USP6NL: variants seen among roughly 807,000 people sequenced by gnomAD.
The protein encoded by USP6NL is USP6 N-terminal like, also known as USP6 N-terminal-like protein.
Under a neutral mutation model 61.9 loss-of-function variants are expected in USP6NL, and 26 were observed. The observed-to-expected ratio is 0.42, with a 90% CI of 0.31 to 0.58. The LOEUF is 0.58. USP6NL is among the 20% of genes least tolerant of loss of function. The pLI, the probability that USP6NL is intolerant of heterozygous loss-of-function variation, is 0.16. For synonymous variants in USP6NL, 432 were observed against 390.1 expected (o/e 1.11, Z -1.27); for missense variants, 1,114 against 1,034.3 (o/e 1.08, Z -1.06).
At position 11,462,787 on chromosome 10, in the gene USP6NL, G is replaced by A. The variant is rs769286342; in HGVS notation, c.2141C>T (p.Ser714Leu). 3.7e-6 allele frequency: 6 copies of A among 1,613,846 alleles called. No homozygotes were observed. In the East Asian group the frequency reaches 1.3e-4, roughly 36 times the overall value. ...CAATTTTCCATTCTTTGGTGACCCT[G>A]AATTGCCCGAATATCCCCCAGCACC... ...DTGAGGYSGN[S>L]GSPKNGKLII... The change falls in exon 15 of 15, where the codon TCA becomes TTA. Residue 714 changes from serine to leucine, a missense_variant. Transcript: ENST00000609104.
chr10:11,463,176 A>G lies in USP6NL; in HGVS notation c.1752T>C (p.Pro584=), dbSNP rs3740204. 550,864 of 1,613,424 alleles carry G rather than the reference A, an allele frequency of 0.34. 101,728 individuals carry two copies. Among genetic ancestry groups the G allele is most frequent in the East Asian group, 0.73 (32,926 of 44,850 alleles). ...SQSPRHALYP[P]SPRKHAEPSS... ...TTGGCTCAGCGTGCTTTCTCGGGCT[A>G]GGAGGGTAAAGGGCATGCCGGGGGC... Residue 584 remains proline, a synonymous_variant, in exon 15 of 15, where the codon CCT becomes CCC. Coordinates refer to ENST00000609104, the MANE Select transcript of USP6NL (RefSeq NM_014688.5). This position sits in a 1 kb window ranked among gnomAD's most constrained non-coding sequence, Gnocchi z 6.3.
rs1833692965 is a variant in USP6NL, at chr10:11,491,058, A to C, written c.495-178T>G. Among the ~76,000 whole-genome samples the C allele has an allele frequency of 6.6e-6, 1 of 152,228 alleles. No homozygotes were observed. The highest frequency in any genetic ancestry group is 1.5e-5 in the Non-Finnish European group (1 of 68,032). On this transcript the variant is annotated intron_variant, in intron 8 of 14. Coordinates refer to ENST00000609104, the MANE Select transcript of USP6NL (RefSeq NM_014688.5). This position sits in a 1 kb window ranked among gnomAD's most constrained non-coding sequence, Gnocchi z 4.7. ...ACACTCTAAAAAGTCTAAATTCAAG[A>C]CTAGATAATATTCATTCTGAAAGGA...
chr10:11,469,722 C>A (rs571577355), intron 14 of USP6NL, among the ~76,000 whole-genome samples: 1 of 152,200 alleles, frequency 6.6e-6, no homozygotes, highest in African/African-American at 2.4e-5. Flanking sequence ...CTGGAGGCCC[C>A]GCACAGTGGG....
intron 2 of USP6NL, chr10:11,573,688 A>G (rs1837441029): frequency 1.8e-5 from 7 of 398,820 alleles, no homozygotes; most frequent in East Asian, 7.1e-5. Flanking sequence ...TTGCTAGTTA[A>G]CAAGCCAAAG....
At position 11,476,947 on chromosome 10, in the gene USP6NL, C is replaced by T. The variant is rs750921810; in HGVS notation, c.1078+4823G>A. On this transcript the variant is annotated intron_variant, in intron 14 of 14. Transcript: ENST00000609104. This position sits in a 1 kb window ranked among gnomAD's most constrained non-coding sequence, Gnocchi z 4.3. The stretch of plus-strand genomic sequence containing the variant: ...AGTGCAGTGGTGCGATCTTGACTCA[C>T]TGCAACCTCCGCCTCCCAGGTTCAA... Among the ~76,000 whole-genome samples, 2 of 152,220 alleles carry T rather than the reference C, an allele frequency of 1.3e-5. No homozygotes were observed. Among genetic ancestry groups the T allele is most frequent in the Non-Finnish European group, 2.9e-5 (2 of 68,036 alleles).
chr10:11,585,334 T>G lies in USP6NL; in HGVS notation c.4+12297A>C, dbSNP rs1837925347. Reference sequence around the variant, plus strand: ...AAAGAATTACAGTATGATCCAGCAATTCCACTTCTTGGTACAGACCCAGAA... The same window carrying G: ...AAAGAATTACAGTATGATCCAGCAAGTCCACTTCTTGGTACAGACCCAGAA... On this transcript the variant is annotated intron_variant, in intron 2 of 14. Coordinates refer to ENST00000609104, the MANE Select transcript of USP6NL (RefSeq NM_014688.5). This position sits in a 1 kb window ranked among gnomAD's most constrained non-coding sequence, Gnocchi z 4.5. 6.6e-6 allele frequency among the ~76,000 whole-genome samples: 1 copy of G among 152,140 alleles called. No homozygotes were observed. Among genetic ancestry groups the G allele is most frequent in the African/African-American group, 2.4e-5 (1 of 41,424 alleles).
In USP6NL at chr10:11,537,072, T is replaced by C. The variant is rs1835861153; in HGVS notation, c.5-9505A>G. Reference sequence around the variant, plus strand: ...TTCTCTTCAGAAGAGCCACACAAGTTCCATACATATCTTCATATTCCTCCA... The same window carrying C: ...TTCTCTTCAGAAGAGCCACACAAGTCCCATACATATCTTCATATTCCTCCA... On this transcript the variant is annotated intron_variant, in intron 2 of 14. Transcript: ENST00000609104. This position sits in a 1 kb window ranked among gnomAD's most constrained non-coding sequence, Gnocchi z 5.1. Among the ~76,000 whole-genome samples the C allele has an allele frequency of 6.6e-6, 1 of 152,126 alleles. No homozygotes were observed. Among genetic ancestry groups the C allele is most frequent in the African/African-American group, 2.4e-5 (1 of 41,444 alleles).
Position 11,555,451 on chromosome 10 carries a change from T to TATAG in USP6NL, c.5-27885_5-27884insCTAT, listed in dbSNP as rs1427219382. Among the ~76,000 whole-genome samples, 20 of 61,000 alleles carry TATAG rather than the reference T, an allele frequency of 3.3e-4. No homozygotes were observed. The East Asian group carries it at 4.8e-3, about 15-fold the overall frequency. The allele number at this position is 61,000 out of a possible 152,430, so 40.0% of individuals were successfully genotyped here. Reference sequence around the variant, plus strand: ...AAAAAAAAATATATATATATATATATAGAGAGAGAGAGAGAGAGAAAGAGA... The same window carrying TATAG: ...AAAAAAAAATATATATATATATATATATAGAGAGAGAGAGAGAGAGAGAAAGAGA... On this transcript the variant is annotated intron_variant, in intron 2 of 14. Transcript: ENST00000609104.
Position 11,474,676 on chromosome 10 carries a change from A to T in USP6NL, c.1078+7094T>A, listed in dbSNP as rs1008264327. On this transcript the variant is annotated intron_variant, in intron 14 of 14. Transcript: ENST00000609104. The surrounding 1 kb of genome is among the most constrained non-coding windows in gnomAD (Gnocchi z 4.9). ...AAAATCTAAATAATCCTGTGCATAG[A>T]AAATTTGTCCTTGAATTAATGATTT... Among the ~76,000 whole-genome samples, 2 of 152,196 alleles carry T rather than the reference A, an allele frequency of 1.3e-5. No individual in the cohort carries two copies. Among genetic ancestry groups the T allele is most frequent in the Non-Finnish European group, 2.9e-5 (2 of 68,034 alleles).
rs1220245335 is a variant in USP6NL at position 11,600,745 on chromosome 10, G to A, written c.-83-3028C>T. Among the ~76,000 whole-genome samples, 4 of 152,160 alleles carry A rather than the reference G, an allele frequency of 2.6e-5. No homozygotes were observed. The highest frequency in any genetic ancestry group is 4.8e-5 in the African/African-American group (2 of 41,448). On this transcript the variant is annotated intron_variant, in intron 1 of 14. Transcript: ENST00000609104. This position sits in a 1 kb window ranked among gnomAD's most constrained non-coding sequence, Gnocchi z 4.1. ...AGCACTTTGGGAGGCCGAGGCGGGTGGATCACGAGGTCAGGAGTTCAAGAC... is the reference window on the plus strand; with the variant it reads ...AGCACTTTGGGAGGCCGAGGCGGGTAGATCACGAGGTCAGGAGTTCAAGAC...
At chr10:11,533,642 T>C (rs1056451099) in intron 2 of USP6NL, among the ~76,000 whole-genome samples, 23 of 152,286 alleles carry the variant, frequency 1.5e-4, no homozygotes, top group Admixed American at 1.4e-3. Flanking sequence ...GATTTTCCCC[T>C]AGTGGCTCCA....
rs766862751 is a variant in USP6NL at position 11,462,734 on chromosome 10, C to G, written c.2194G>C (p.Asp732His). 2.5e-6 allele frequency: 4 copies of G among 1,614,022 alleles called. No individual in the cohort carries two copies. Among genetic ancestry groups the G allele is most frequent in the Non-Finnish European group, 3.4e-6 (4 of 1,179,890 alleles). The part of the protein sequence containing the change: ...LIIPPVDYLP[D>H]NRTWSEVSYT... ...CTAACTTCTGACCATGTTCTGTTAT[C>G]TGGCAAGTAATCCACTGGTGGAATG... The change falls in exon 15 of 15, where the codon GAT becomes CAT. Residue 732 changes from aspartate to histidine, a missense_variant. Coordinates refer to ENST00000609104, the MANE Select transcript of USP6NL (RefSeq NM_014688.5).
At chr10:11,544,927 C>T (rs1442814020) in intron 2 of USP6NL, among the ~76,000 whole-genome samples, 4 of 152,164 alleles carry the variant, frequency 2.6e-5, no homozygotes, top group Admixed American at 6.5e-5. Context: ...TTGGATTCGT[C>T]CCCAAGATAT....
At chr10:11,579,326 A>C (rs1046668184) in intron 2 of USP6NL, among the ~76,000 whole-genome samples, 2 of 152,246 alleles carry the variant, frequency 1.3e-5, no homozygotes, top group Non-Finnish European at 2.9e-5. Context: ...CCCTGTCTAA[A>C]AACATTAATG....
chr10:11,504,225 T>C (rs906150486), intron 6 of USP6NL, among the ~76,000 whole-genome samples: 1 of 152,220 alleles, frequency 6.6e-6, no homozygotes, highest in Non-Finnish European at 1.5e-5. Context: ...TACAGTTACA[T>C]ATCTTTCTTC....
intron 2 of USP6NL, among the ~76,000 whole-genome samples, chr10:11,558,109 G>A (rs1836785263): frequency 6.6e-6 from 1 of 152,190 alleles, no homozygotes; most frequent in Admixed American, 6.5e-5. Flanking sequence ...CAAAGTAGCC[G>A]TAAAGTTGAC....
At chr10:11,573,793 A>G (rs889775934) in intron 2 of USP6NL, 1 of 396,222 alleles carries the variant, frequency 2.5e-6, no homozygotes, top group Non-Finnish European at 4.5e-6. Context: ...GTTCAACTTC[A>G]GAGAAATGAA....
intron 1 of USP6NL, among the ~76,000 whole-genome samples, chr10:11,609,851 T>A (rs1415251844): frequency 6.6e-6 from 1 of 152,244 alleles, no homozygotes; most frequent in Non-Finnish European, 1.5e-5. Context: ...TTTCACTTAC[T>A]GGCTTGTTTA....
intron 2 of USP6NL, among the ~76,000 whole-genome samples, chr10:11,554,301 AG>A (rs1032211979): frequency 4.6e-5 from 7 of 152,380 alleles, no homozygotes; most frequent in African/African-American, 1.7e-4. Flanking sequence ...AAGATCCTAC[AG>A]AAAAAGAAAG....
Sources: allele counts gnomAD v4.1 joint callset (sites outside exome capture counted in the v4.1 genomes callset), GRCh38; gene constraint gnomAD v4.1.1; non-coding constraint Gnocchi (gnomAD v3.1); transcripts MANE v1.5; gene names NCBI Gene and HGNC (gene_info 2026-07-23, HGNC 2026-07-21).